FYCO1: variants seen among roughly 807,000 people sequenced by gnomAD.
The protein encoded by FYCO1 is FYVE and coiled-coil domain-containing protein 1.
In FYCO1, 122 loss-of-function variants were observed where a neutral mutation model predicts 165.1. The ratio of observed to expected loss-of-function variants is 0.74; its 90% CI spans 0.64 to 0.86. The LOEUF (loss-of-function observed/expected upper bound fraction) is 0.86, where lower values mean the gene tolerates loss of function less well. Ranked by LOEUF, FYCO1 falls within the 40% of genes least tolerant of loss-of-function variation. The pLI is 0.00. For synonymous variants in FYCO1, 648 were observed against 742.5 expected (o/e 0.87, Z 2.07); for missense variants, 1,702 against 1,810.3 (o/e 0.94, Z 1.09).
intron 14 of FYCO1, among the ~76,000 whole-genome samples, chr3:45,944,476 G>A (rs1704454884): frequency 6.6e-6 from 1 of 151,956 alleles, no homozygotes; most frequent in Non-Finnish European, 1.5e-5. Flanking sequence ...TGTATGAATT[G>A]TAATTTGCTT....
chr3:45,958,741 G>A (rs2125838649), intron 12 of FYCO1, 122 bp from the exon 13 acceptor site: 1 of 893,322 alleles, frequency 1.1e-6, no homozygotes, highest in Non-Finnish European at 1.8e-6. Flanking sequence ...CTGCCCCCAA[G>A]TTAGGATGTG....
chr3:45,957,036 G>A (rs1278128754), intron 13 of FYCO1, among the ~76,000 whole-genome samples: 1 of 152,170 alleles, frequency 6.6e-6, no homozygotes, highest in Non-Finnish European at 1.5e-5. Flanking sequence ...GAAAGAATAG[G>A]CACATAGATA....
At chr3:45,970,979 C>G (rs997119596) in intron 6 of FYCO1, among the ~76,000 whole-genome samples, 4 of 152,126 alleles carry the variant, frequency 2.6e-5, no homozygotes, top group African/African-American at 9.6e-5. Context: ...ATGATTACTT[C>G]TGAAAGGGGA....
At chr3:45,941,047 C>G (rs1023473133) in intron 14 of FYCO1, 2 of 152,244 alleles carry the variant, frequency 1.3e-5, no homozygotes, top group African/African-American at 4.8e-5. Context: ...GATCTCTCAG[C>G]TCATCCTGGT....
intron 2 of FYCO1, among the ~76,000 whole-genome samples, chr3:45,982,968 C>T (rs546870701): frequency 6.6e-6 from 1 of 152,322 alleles, no homozygotes; most frequent in South Asian, 2.1e-4. Context: ...TAAACACTCG[C>T]AACCTGATCT....
intron 17 of FYCO1, among the ~76,000 whole-genome samples, chr3:45,923,116 TG>T (rs1223540445): frequency 1.3e-5 from 2 of 152,216 alleles, no homozygotes; most frequent in African/African-American, 4.8e-5. Flanking sequence ...GAACCTTAGC[TG>T]GTTCTCAGAG....
At chr3:45,945,730 G>T (rs569615176) in intron 14 of FYCO1, 2 of 152,310 alleles carry the variant, frequency 1.3e-5, no homozygotes, top group East Asian at 1.9e-4. Context: ...GAAGGGGAAA[G>T]TTTAGTTGGG....
rs1204652714 is a variant in FYCO1 at position 45,962,905 on chromosome 3, C to T, written c.3270-513G>A. ...CACTGCCAGCTGTTCTACCTGATAG[C>T]CCCCCTGAGGCCCAGGGAATTCCGT... On this transcript the variant is annotated intron_variant, in intron 10 of 17. Coordinates refer to ENST00000296137, the MANE Select transcript of FYCO1 (RefSeq NM_024513.4). The surrounding 1 kb of genome is among the most constrained non-coding windows in gnomAD (Gnocchi z 4.4). Among the ~76,000 whole-genome samples, 2 of 148,506 alleles carry T rather than the reference C, an allele frequency of 1.3e-5. No individual in the cohort carries two copies. The highest frequency in any genetic ancestry group is 2.1e-4 in the South Asian group (1 of 4,798).
intron 16 of FYCO1, among the ~76,000 whole-genome samples, chr3:45,928,766 C>T (rs1703444172): frequency 1.3e-5 from 2 of 152,138 alleles, no homozygotes; most frequent in Admixed American, 6.5e-5. Flanking sequence ...CCAGGGGTAC[C>T]CACAGTGCCC....
chr3:45,964,021 T>A lies in FYCO1; in HGVS notation c.3269+315A>T, dbSNP rs753604076. Among the ~76,000 whole-genome samples the A allele has an allele frequency of 1.3e-5, 2 of 152,226 alleles. No individual in the cohort carries two copies. Among genetic ancestry groups the A allele is most frequent in the Admixed American group, 6.5e-5 (1 of 15,288 alleles). ...TTATTTAAATACATGCTGCTACTAT[T>A]ACCATTATTATTATGATCTAACTTT... On this transcript the variant is annotated intron_variant, in intron 10 of 17. Transcript: ENST00000296137. This position sits in a 1 kb window ranked among gnomAD's most constrained non-coding sequence, Gnocchi z 4.1.
chr3:45,951,807 G>A (rs999718818), intron 14 of FYCO1, among the ~76,000 whole-genome samples: 3 of 152,208 alleles, frequency 2.0e-5, no homozygotes, highest in African/African-American at 7.2e-5. Flanking sequence ...GGGAGTCCCA[G>A]CATCAGGCCA....
Position 45,964,118 on chromosome 3 carries a change from G to A in FYCO1, c.3269+218C>T, listed in dbSNP as rs1435410293. Reference sequence around the variant, plus strand: ...ATGCACTGCCAGAGAGAAGAAAATTGAGTTAGGAGAAAGGTGCTTTAGCCG... The same window carrying A: ...ATGCACTGCCAGAGAGAAGAAAATTAAGTTAGGAGAAAGGTGCTTTAGCCG... On this transcript the variant is annotated intron_variant, in intron 10 of 17. Transcript: ENST00000296137. The surrounding 1 kb of genome is among the most constrained non-coding windows in gnomAD (Gnocchi z 4.1). Among the ~76,000 whole-genome samples, 1 of 152,198 alleles carries A rather than the reference G, an allele frequency of 6.6e-6. No homozygotes were observed. The highest frequency in any genetic ancestry group is 1.5e-5 in the Non-Finnish European group (1 of 68,030).
In FYCO1 at chr3:45,966,884, T is replaced by C; in HGVS notation, c.2450A>G (p.Glu817Gly). The C allele has an allele frequency of 6.2e-7, 1 of 1,613,518 alleles. No individual in the cohort carries two copies. Among genetic ancestry groups the C allele is most frequent in the Non-Finnish European group, 8.5e-7 (1 of 1,180,040 alleles). ...DKVQSQLSMA[E>G]AVLREHKTLV... is the part of the protein sequence containing the mutation. ...GGTTTTGTGCTCCCTCAGGACGGCCTCAGCCATGCTTAGCTGGCTCTGCAC... is the reference window on the plus strand; with the variant it reads ...GGTTTTGTGCTCCCTCAGGACGGCCCCAGCCATGCTTAGCTGGCTCTGCAC... Residue 817 changes from glutamate to glycine, a missense_variant, in exon 8 of 18, where the codon GAG becomes GGG. Transcript: ENST00000296137.
intron 14 of FYCO1, chr3:45,947,027 C>A (rs1244032814): frequency 1.2e-6 from 2 of 1,614,206 alleles, no homozygotes; most frequent in Non-Finnish European, 1.7e-6. Context: ...TATGTGGTTA[C>A]CATGACGAGG....
intron 14 of FYCO1, among the ~76,000 whole-genome samples, chr3:45,954,066 T>C (rs541307722): frequency 3.8e-4 from 58 of 152,344 alleles, no homozygotes; most frequent in Non-Finnish European, 8.1e-4. Context: ...CTGTTGCCTC[T>C]GTGACTTTGG....
At chr3:45,928,289 T>C (rs1277237482) in intron 16 of FYCO1, among the ~76,000 whole-genome samples, 1 of 152,162 alleles carries the variant, frequency 6.6e-6, no homozygotes, top group Non-Finnish European at 1.5e-5. Context: ...TGTCAGCTGA[T>C]TCCTCCTCTG....
At position 45,958,549 on chromosome 3, in the gene FYCO1, C is replaced by T. The variant is rs775775768; in HGVS notation, c.3658G>A (p.Glu1220Lys). Residue 1220 changes from glutamate to lysine, a missense_variant, in exon 13 of 18, where the codon GAG becomes AAG. By Grantham distance (56) the Glu-to-Lys change is moderately conservative. Coordinates refer to ENST00000296137, the MANE Select transcript of FYCO1 (RefSeq NM_024513.4). Reference protein sequence around the residue: ...YVLSKHGGKKERCCRACFQKL... With the variant: ...YVLSKHGGKKKRCCRACFQKL... ...TGGAAACAGGCTCGGCAGCAGCGCT[C>T]CTTTTTGCCACCGTGCTTGCTCAGG... The T allele has an allele frequency of 3.7e-6, 6 of 1,614,078 alleles. No individual in the cohort carries two copies. In the Admixed American group the frequency reaches 6.7e-5, roughly 18 times the overall value.
intron 17 of FYCO1, among the ~76,000 whole-genome samples, chr3:45,923,380 G>T (rs549149500): frequency 6.6e-6 from 1 of 152,158 alleles, no homozygotes; most frequent in African/African-American, 2.4e-5. Flanking sequence ...TGGCCAGACC[G>T]CCTGGTTCAG....
intron 16 of FYCO1, among the ~76,000 whole-genome samples, chr3:45,929,269 C>G (rs1312615137): frequency 6.6e-6 from 1 of 152,112 alleles, no homozygotes; most frequent in Non-Finnish European, 1.5e-5. Context: ...GGCAGTGGGG[C>G]CCCCTGGAAG....
Sources: gnomAD v4.1 joint callset for allele counts (sites outside exome capture counted in the v4.1 genomes callset) on GRCh38, gnomAD v4.1.1 for gene constraint, Gnocchi (gnomAD v3.1) non-coding constraint, MANE v1.5 for transcripts, NCBI Gene and HGNC (gene_info 2026-07-23, HGNC 2026-07-21) for gene names.